Variants in PML observed in about 807,000 individuals in gnomAD.
PML encodes PML nuclear body scaffold, also known as protein PML.
PML carries 28 observed loss-of-function variants against 65.2 expected under a neutral mutation model. That is an observed-to-expected ratio of 0.43 (90% confidence interval 0.32 to 0.59). PML has a LOEUF of 0.59. Ranked by LOEUF, PML falls within the 20% of genes least tolerant of loss-of-function variation. PML has a pLI of 0.08. For missense variants in PML, 1,021 were observed against 1,203.4 expected (o/e 0.85, Z 2.24); for synonymous variants, 500 against 508.8 (o/e 0.98, Z 0.23).
At chr15:74,022,769 C>A in intron 2 of PML, 59 bp from the exon 3 acceptor site, 2 of 1,347,796 alleles carry the variant, frequency 1.5e-6, no homozygotes, top group Non-Finnish European at 2.1e-6. Context: ...TAATAACGAA[C>A]GTTTTAAGAG....
chr15:74,002,746 G>C (rs547172856), intron 2 of PML, among the ~76,000 whole-genome samples: 2 of 151,812 alleles, frequency 1.3e-5, no homozygotes, highest in African/African-American at 2.4e-5. Flanking sequence ...GAGCCAACAT[G>C]TCTGGCCGAA....
chr15:74,040,970 G>T (rs1299305070), intron 7 of PML, among the ~76,000 whole-genome samples: 1 of 152,208 alleles, frequency 6.6e-6, no homozygotes, highest in East Asian at 1.9e-4. Context: ...GATGGGAGGG[G>T]TGGCCTAAAG....
chr15:74,032,430 C>T (rs1156443169), intron 4 of PML, 142 bp from the exon 5 acceptor site: 8 of 842,896 alleles, frequency 9.5e-6, no homozygotes, highest in African/African-American at 1.7e-5. Flanking sequence ...TTCTTGTCCC[C>T]AGTGAGCTCG....
At position 74,046,295 on chromosome 15, in the gene PML, G is replaced by T. The variant is rs371351411; in HGVS notation, c.*1287G>T. ...CAACAGCAGAACAGAGGCAGGTCAGGGTTGTCCGCTCTGATTAGCAGAACG... is the reference window on the plus strand; with the variant it reads ...CAACAGCAGAACAGAGGCAGGTCAGTGTTGTCCGCTCTGATTAGCAGAACG... On this transcript the variant is annotated 3_prime_UTR_variant, in exon 9 of 9. Coordinates refer to ENST00000268058, the MANE Select transcript of PML (RefSeq NM_033238.3). The T allele has an allele frequency of 4.2e-4, 99 of 233,208 alleles. No homozygotes were observed. The South Asian group carries it at 0.016, about 39-fold the overall frequency. The allele number at this position is 233,208 out of a possible 1,614,324, so 14.4% of individuals were successfully genotyped here.
chr15:74,043,691 T>C lies in PML; in HGVS notation c.1862-530T>C, dbSNP rs529370698. On this transcript the variant is annotated intron_variant, in intron 8 of 8. Coordinates refer to ENST00000268058, the MANE Select transcript of PML (RefSeq NM_033238.3). The surrounding 1 kb of genome is among the most constrained non-coding windows in gnomAD (Gnocchi z 4.3). ...CCTACCCTGTGGCATGGACTCAACA[T>C]TGGGGCTAGCCCAGCCAGACAGAAA... 5.7e-5 allele frequency: 30 copies of C among 530,762 alleles called. No homozygotes were observed. Among genetic ancestry groups the C allele is most frequent in the Admixed American group, 1.9e-4 (10 of 51,740 alleles). The allele number at this position is 530,762 out of a possible 1,614,324, so 32.9% of individuals were successfully genotyped here.
At chr15:74,034,172 C>G in intron 6 of PML, 3 of 474,642 alleles carry the variant, frequency 6.3e-6, no homozygotes, top group Non-Finnish European at 1.2e-5. Context: ...GCAGAAGGTT[C>G]CAGACCAGGT....
chr15:74,034,240 A>G (rs919125100), intron 6 of PML: 4 of 588,848 alleles, frequency 6.8e-6, no homozygotes, highest in South Asian at 1.9e-5. Context: ...CAGATAACTT[A>G]ATTGAATATT....
At position 74,046,773 on chromosome 15, in the gene PML, C is replaced by G. The variant is rs953074959; in HGVS notation, c.*1765C>G. On this transcript the variant is annotated 3_prime_UTR_variant, in exon 9 of 9. Transcript: ENST00000268058. The stretch of plus-strand genomic sequence containing the variant: ...TTAATAAAGATGTGAATCTTGAAAG[C>G]CTGATGCTCCAATCACAGACTCTGC... The G allele has an allele frequency of 4.3e-6, 1 of 231,206 alleles. No homozygotes were observed. Among genetic ancestry groups the G allele is most frequent in the African/African-American group, 2.2e-5 (1 of 45,230 alleles). 14.3% of individuals were successfully genotyped at this position (231,206 alleles called of 1,614,324 possible).
At chr15:74,012,382 G>T (rs1416995624) in intron 2 of PML, among the ~76,000 whole-genome samples, 2 of 152,206 alleles carry the variant, frequency 1.3e-5, no homozygotes, top group Admixed American at 6.5e-5. Flanking sequence ...CACCATCTTG[G>T]CCAGGCTGGT....
intron 2 of PML, among the ~76,000 whole-genome samples, chr15:74,007,252 T>G (rs2070105209): frequency 6.6e-6 from 1 of 152,196 alleles, no homozygotes. Context: ...CTTAGAAGGC[T>G]CCTTTCTGCG....
Position 74,045,236 on chromosome 15 carries a change from A to G in PML, c.*228A>G, listed in dbSNP as rs2071759937. On this transcript the variant is annotated 3_prime_UTR_variant, in exon 9 of 9. Transcript: ENST00000268058. ...CACCCTAGGTGTGCACCAGACTCCT[A>G]TTAGCCCCTCCTTCCAGGAGCTAGA... 6 of 547,578 alleles carry G rather than the reference A, an allele frequency of 1.1e-5. No individual in the cohort carries two copies. In the East Asian group the frequency reaches 1.5e-4, roughly 14 times the overall value. The allele number at this position is 547,578 out of a possible 1,614,324, so 33.9% of individuals were successfully genotyped here.
At position 74,044,378 on chromosome 15, in the gene PML, CT is replaced by C; in HGVS notation, c.2021del (p.Leu674TrpfsTer65). On this transcript the variant is annotated frameshift_variant, in exon 9 of 9. Transcript: ENST00000268058. LOFTEE classifies it low-confidence loss of function (END_TRUNC). ...SFLSSMRRPI[L>X]ACYKLWGPGL... ...TTCTGAGCTCCATGCGCCGCCCTAT[CT>C]TGGCCTGCTACAAGCTGTGGGGGCC... 6.2e-7 allele frequency: 1 copy of C among 1,614,246 alleles called. No individual in the cohort carries two copies. The highest frequency in any genetic ancestry group is 8.5e-7 in the Non-Finnish European group (1 of 1,180,042).
At position 74,035,766 on chromosome 15, in the gene PML, G is replaced by T. The variant is rs776599019; in HGVS notation, c.1710+1236G>T. 7 of 1,614,100 alleles carry T rather than the reference G, an allele frequency of 4.3e-6. No individual in the cohort carries two copies. The South Asian group carries it at 7.7e-5, about 18-fold the overall frequency. On this transcript the variant is annotated intron_variant, in intron 7 of 8. Coordinates refer to ENST00000268058, the MANE Select transcript of PML (RefSeq NM_033238.3). The surrounding 1 kb of genome is among the most constrained non-coding windows in gnomAD (Gnocchi z 4.1). ...GCTTGACATGTCTTCCGTGGTGGGG[G>T]CAGGGGAAAGCAGAGCCCAGACTCT...
At chr15:74,018,735 A>G (rs1180283678) in intron 2 of PML, among the ~76,000 whole-genome samples, 1 of 151,938 alleles carries the variant, frequency 6.6e-6, no homozygotes, top group Non-Finnish European at 1.5e-5. Flanking sequence ...GAATTATGCT[A>G]TTTTTCTTTC....
rs755884869 is a variant in PML, at chr15:74,035,616, A to G, written c.1710+1086A>G. 6.2e-7 allele frequency: 1 copy of G among 1,613,488 alleles called. No individual in the cohort carries two copies. Among genetic ancestry groups the G allele is most frequent in the Non-Finnish European group, 8.5e-7 (1 of 1,180,000 alleles). ...ACATCCTGCCCAGCTGCAAAGGGGCATCAGCCCACCCCACCGGATACGAGG... is the reference window on the plus strand; with the variant it reads ...ACATCCTGCCCAGCTGCAAAGGGGCGTCAGCCCACCCCACCGGATACGAGG... On this transcript the variant is annotated intron_variant, in intron 7 of 8. Coordinates refer to ENST00000268058, the MANE Select transcript of PML (RefSeq NM_033238.3). The surrounding 1 kb of genome is among the most constrained non-coding windows in gnomAD (Gnocchi z 4.1).
At position 74,023,388 on chromosome 15, in the gene PML, C is replaced by G. The variant is rs769487892; in HGVS notation, c.1163C>G (p.Ser388Cys). ...EFKVRLQDLS[S>C]CITQGKDAAV... The stretch of plus-strand genomic sequence containing the variant: ...AAGGTGCGCCTGCAGGACCTCAGCT[C>G]TTGCATCACCCAGGGGAAAGGTAAG... The change falls in exon 3 of 9, where the codon TCT becomes TGT. Residue 388 changes from serine (S) to cysteine (C), a missense_variant. Physicochemically the swap from Ser to Cys is moderately radical, Grantham distance 112. Coordinates refer to ENST00000268058, the MANE Select transcript of PML (RefSeq NM_033238.3). 2.5e-6 allele frequency: 4 copies of G among 1,599,036 alleles called. No homozygotes were observed. The Admixed American group carries it at 6.7e-5, about 27-fold the overall frequency.
intron 2 of PML, among the ~76,000 whole-genome samples, chr15:74,010,528 A>G (rs936650701): frequency 1.3e-5 from 2 of 151,846 alleles, no homozygotes; most frequent in African/African-American, 4.8e-5. Context: ...AAAAAAAAAA[A>G]AAAAAAAAGA....
chr15:74,041,311 G>A (rs1460683038), intron 7 of PML: 1 of 152,232 alleles, frequency 6.6e-6, no homozygotes, highest in East Asian at 1.9e-4. Flanking sequence ...GAAACAACTG[G>A]ATTCTCCCAA....
At position 74,037,799 on chromosome 15, in the gene PML, C is replaced by T. The variant is rs2071606006; in HGVS notation, c.1710+3269C>T. 2.5e-6 allele frequency: 2 copies of T among 811,978 alleles called. No individual in the cohort carries two copies. Among genetic ancestry groups the T allele is most frequent in the South Asian group, 5.6e-5 (1 of 17,770 alleles). The allele number at this position is 811,978 out of a possible 1,614,324, so 50.3% of individuals were successfully genotyped here. On this transcript the variant is annotated intron_variant, in intron 7 of 8. Transcript: ENST00000268058. The surrounding 1 kb of genome is among the most constrained non-coding windows in gnomAD (Gnocchi z 4.2). ...TGCTCCTGCAGGTTTGCTGCTGGGCCCTTTCCTCTTTTCAGTCTGTGTATT... is the reference window on the plus strand; with the variant it reads ...TGCTCCTGCAGGTTTGCTGCTGGGCTCTTTCCTCTTTTCAGTCTGTGTATT...
Sources: gnomAD v4.1 joint callset for allele counts (sites outside exome capture counted in the v4.1 genomes callset) on GRCh38, gnomAD v4.1.1 for gene constraint, Gnocchi (gnomAD v3.1) non-coding constraint, MANE v1.5 for transcripts, NCBI Gene and HGNC (gene_info 2026-07-23, HGNC 2026-07-21) for gene names.